CSMD1: variants seen among roughly 807,000 people sequenced by gnomAD.
CSMD1 encodes the protein CUB and sushi domain-containing protein 1.
A neutral mutation model predicts 417.5 loss-of-function variants in CSMD1; 213 were observed. The observed-to-expected ratio is 0.51, with a 90% confidence interval of 0.46 to 0.57. CSMD1 has a LOEUF of 0.57. Ranked by LOEUF, CSMD1 falls within the 20% of genes least tolerant of loss-of-function variation. CSMD1 has a pLI of 0.00. For missense variants in CSMD1, 6,923 were observed against 4,529.7 expected (o/e 1.53, Z -15.17); for synonymous variants, 2,862 against 1,736.8 (o/e 1.65, Z -16.11).
rs1321616036 is a variant in CSMD1 at position 2,936,454 on chromosome 8, A to T, written c.*2131T>A. On this transcript the variant is annotated 3_prime_UTR_variant, in exon 70 of 70. Coordinates refer to ENST00000635120, the MANE Select transcript of CSMD1 (RefSeq NM_033225.6). ...CTCCCTTGCACACGAGCCTCCTCACACTTTCAATCATCTTCTGTTTCGTTC... is the reference window on the plus strand; with the variant it reads ...CTCCCTTGCACACGAGCCTCCTCACTCTTTCAATCATCTTCTGTTTCGTTC... The T allele has an allele frequency of 6.6e-6, 1 of 151,576 alleles. No homozygotes were observed. The highest frequency in any genetic ancestry group is 1.5e-5 in the Non-Finnish European group (1 of 67,934). 9.4% of individuals were successfully genotyped at this position (151,576 alleles called of 1,614,324 possible).
intron 12 of CSMD1, among the ~76,000 whole-genome samples, chr8:3,413,614 TG>T (rs1364787418): frequency 6.6e-6 from 1 of 152,196 alleles, no homozygotes; most frequent in Admixed American, 6.5e-5. Flanking sequence ...ATGTTTCATT[TG>T]GGGGAACTAT....
chr8:4,786,304 C>CA (rs1230606956), intron 1 of CSMD1, among the ~76,000 whole-genome samples: 1 of 152,186 alleles, frequency 6.6e-6, no homozygotes, highest in African/African-American at 2.4e-5. Flanking sequence ...AACACTCCTA[C>CA]AACCAGGTTT....
chr8:4,876,185 A>T (rs1273712475), intron 1 of CSMD1, among the ~76,000 whole-genome samples: 1 of 152,046 alleles, frequency 6.6e-6, no homozygotes, highest in Non-Finnish European at 1.5e-5. Context: ...TAATAACATA[A>T]ATTTACCTAA....
At chr8:4,541,065 A>C (rs1041952342) in intron 2 of CSMD1, among the ~76,000 whole-genome samples, 1 of 152,236 alleles carries the variant, frequency 6.6e-6, no homozygotes, top group African/African-American at 2.4e-5. Context: ...AGAAACTCTA[A>C]GGACATTTTT....
intron 6 of CSMD1, among the ~76,000 whole-genome samples, chr8:3,730,908 T>C (rs565610428): frequency 1.6e-4 from 24 of 152,334 alleles, no homozygotes; most frequent in African/African-American, 5.0e-4. Flanking sequence ...ACCAATTTGC[T>C]GCTTCAAAGT....
At chr8:4,273,409 C>G (rs943891526) in intron 3 of CSMD1, among the ~76,000 whole-genome samples, 1 of 152,010 alleles carries the variant, frequency 6.6e-6, no homozygotes, top group Non-Finnish European at 1.5e-5. Flanking sequence ...CCGGTGCAAC[C>G]CTGCTCAGGT....
At chr8:3,463,249 A>G (rs550464928) in intron 12 of CSMD1, among the ~76,000 whole-genome samples, 1 of 152,262 alleles carries the variant, frequency 6.6e-6, no homozygotes, top group South Asian at 2.1e-4. Context: ...GACGATTCCA[A>G]GCACACTCCC....
chr8:4,857,220 A>G (rs1171207929), intron 1 of CSMD1, among the ~76,000 whole-genome samples: 1 of 150,056 alleles, frequency 6.7e-6, no homozygotes, highest in Non-Finnish European at 1.5e-5. Context: ...GAAACCAACG[A>G]GAACAAAGAC....
intron 4 of CSMD1, among the ~76,000 whole-genome samples, chr8:4,019,051 G>A (rs745701434): frequency 6.6e-6 from 1 of 152,152 alleles, no homozygotes; most frequent in Non-Finnish European, 1.5e-5. Flanking sequence ...ATCGCTTTGA[G>A]ACAGATGCTA....
chr8:3,550,039 TC>T (rs1404288720), intron 10 of CSMD1, among the ~76,000 whole-genome samples: 2 of 152,208 alleles, frequency 1.3e-5, no homozygotes, highest in Non-Finnish European at 2.9e-5. Context: ...CTCTGATTTT[TC>T]TTGTTTCATA....
chr8:4,604,381 TTGTG>T lies in CSMD1; in HGVS notation c.302+32957_302+32960del, dbSNP rs368710127. On this transcript the variant is annotated intron_variant, in intron 2 of 69. Transcript: ENST00000635120. Reference sequence around the variant, plus strand: ...TAGTCTTTACTCTTGACAAATAGCATTGTGTGTGTGTGTGTGTGTGTGTGTGTGT... The same window carrying T: ...TAGTCTTTACTCTTGACAAATAGCATTGTGTGTGTGTGTGTGTGTGTGTGT... Among the ~76,000 whole-genome samples, 133 of 91,608 alleles carry T rather than the reference TTGTG, an allele frequency of 1.5e-3. 3 individuals are homozygous for T. Among genetic ancestry groups the T allele is most frequent in the South Asian group, 3.9e-3 (10 of 2,564 alleles). The allele number at this position is 91,608 out of a possible 152,430, so 60.1% of individuals were successfully genotyped here. A position where few individuals can be genotyped will look rare whatever the true frequency, so the allele number is the denominator to read the frequency against.
intron 26 of CSMD1, among the ~76,000 whole-genome samples, chr8:3,241,470 G>A (rs1799514760): frequency 6.6e-6 from 1 of 152,214 alleles, no homozygotes; most frequent in Non-Finnish European, 1.5e-5. Context: ...TGATCTGGCA[G>A]TGTCAGTCTT....
At chr8:4,030,031 C>G (rs531105791) in intron 4 of CSMD1, among the ~76,000 whole-genome samples, 8 of 152,186 alleles carry the variant, frequency 5.3e-5, no homozygotes, top group Non-Finnish European at 1.0e-4. Flanking sequence ...TGAGCTCCAA[C>G]AGTCTTGGGC....
At chr8:3,457,492 G>C (rs139813052) in intron 12 of CSMD1, among the ~76,000 whole-genome samples, 1 of 152,182 alleles carries the variant, frequency 6.6e-6, no homozygotes, top group South Asian at 2.1e-4. Context: ...TAAAAGAAAC[G>C]CATTGGAGCT....
chr8:4,930,392 T>C (rs1807168284), intron 1 of CSMD1, among the ~76,000 whole-genome samples: 2 of 152,146 alleles, frequency 1.3e-5, no homozygotes, highest in Non-Finnish European at 2.9e-5. Flanking sequence ...CGCATATATA[T>C]ATACACATAT....
chr8:3,494,653 G>A (rs755131904), intron 10 of CSMD1, among the ~76,000 whole-genome samples: 2 of 151,492 alleles, frequency 1.3e-5, no homozygotes, highest in African/African-American at 2.4e-5. Flanking sequence ...TGGATGGGTG[G>A]ATGGAAAAAT....
intron 40 of CSMD1, among the ~76,000 whole-genome samples, chr8:3,142,939 C>T (rs1350656566): frequency 6.6e-6 from 1 of 152,102 alleles, no homozygotes; most frequent in African/African-American, 2.4e-5. Context: ...TTACCAGCAC[C>T]GTACCACAGA....
chr8:4,631,150 CAGG>C (rs1442922318), intron 2 of CSMD1, among the ~76,000 whole-genome samples: 2 of 152,084 alleles, frequency 1.3e-5, no homozygotes, highest in Non-Finnish European at 2.9e-5. Flanking sequence ...ATCACGAGGT[CAGG>C]AGTTCTAGAC....
chr8:3,435,777 C>T (rs1397221969), intron 12 of CSMD1, among the ~76,000 whole-genome samples: 4 of 152,152 alleles, frequency 2.6e-5, no homozygotes, highest in Admixed American at 6.5e-5. Context: ...GGTCAGGCAA[C>T]TGCCCTGCAC....
Sources: allele counts gnomAD v4.1 joint callset (sites outside exome capture counted in the v4.1 genomes callset), GRCh38; gene constraint gnomAD v4.1.1; transcripts MANE v1.5; gene names NCBI Gene and HGNC (gene_info 2026-07-23, HGNC 2026-07-21).